The following TUBA1C variants were observed in gnomAD, a reference collection of about 807,000 sequenced individuals.
TUBA1C encodes tubulin alpha-1C chain.
Under a neutral mutation model 34.9 loss-of-function variants are expected in TUBA1C, and 16 were observed. The observed-to-expected ratio is 0.46, with a 90% confidence interval of 0.31 to 0.70. The LOEUF is 0.70. Among genes scored for constraint, TUBA1C ranks in the 30% least tolerant of loss-of-function variants. The probability of loss-of-function intolerance (pLI) is 0.05; values close to 1 mark genes in which losing one functional copy is unlikely to be tolerated. For synonymous variants in TUBA1C, 177 were observed against 215.9 expected, an observed-to-expected ratio of 0.82 and a Z score of 1.58; for missense variants, 329 against 587.3, an observed-to-expected ratio of 0.56 and a Z score of 4.55.
intron 1 of TUBA1C, among the ~76,000 whole-genome samples, chr12:49,248,675 AAC>A (rs934825144): frequency 4.7e-4 from 71 of 151,736 alleles, no homozygotes; most frequent in African/African-American, 1.6e-3. Flanking sequence ...CATCCTGGCT[AAC>A]ACAGTGAAAC....
At chr12:49,257,044 G>A (rs1373282647) in intron 1 of TUBA1C, among the ~76,000 whole-genome samples, 3 of 151,722 alleles carry the variant, frequency 2.0e-5, no homozygotes, top group Non-Finnish European at 4.4e-5. Flanking sequence ...GCTCGGCATG[G>A]TGGTGGGCGC....
At chr12:49,234,493 C>A (rs1390649192) in intron 1 of TUBA1C, among the ~76,000 whole-genome samples, 1 of 152,256 alleles carries the variant, frequency 6.6e-6, no homozygotes, top group Admixed American at 6.5e-5. Context: ...GACTTTGCTT[C>A]CTTGGTTAGT....
intron 1 of TUBA1C, among the ~76,000 whole-genome samples, chr12:49,268,099 C>G (rs1227402123): frequency 2.6e-5 from 4 of 151,766 alleles, no homozygotes; most frequent in East Asian, 1.9e-4. Context: ...GAGAGAGAGA[C>G]ACACACACAC....
At chr12:49,230,499 A>G (rs1023468315) in intron 1 of TUBA1C, among the ~76,000 whole-genome samples, 3 of 152,160 alleles carry the variant, frequency 2.0e-5, no homozygotes, top group East Asian at 1.9e-4. Flanking sequence ...TTCTCCAGAC[A>G]TTTATTCCTT....
At chr12:49,270,485 T>C (rs1942976587) in intron 3 of TUBA1C, among the ~76,000 whole-genome samples, 1 of 152,222 alleles carries the variant, frequency 6.6e-6, no homozygotes. Flanking sequence ...TCCTTAGGCA[T>C]GTGGGCAGCT....
intron 1 of TUBA1C, among the ~76,000 whole-genome samples, chr12:49,245,666 G>A (rs916926533): frequency 6.6e-6 from 1 of 152,140 alleles, no homozygotes; most frequent in African/African-American, 2.4e-5. Context: ...CTTGCCTGGG[G>A]ACACTCCCAT....
chr12:49,240,811 T>C (rs11168932), intron 1 of TUBA1C, among the ~76,000 whole-genome samples: 1 of 152,044 alleles, frequency 6.6e-6, no homozygotes, highest in East Asian at 1.9e-4. Context: ...GTCCAGGCTG[T>C]TCTTGAACTC....
chr12:49,257,551 G>A (rs564000162), intron 1 of TUBA1C, among the ~76,000 whole-genome samples: 2 of 152,104 alleles, frequency 1.3e-5, no homozygotes, highest in East Asian at 3.9e-4. Flanking sequence ...GGAGGCCAAG[G>A]TGGGAGGATT....
intron 1 of TUBA1C, among the ~76,000 whole-genome samples, chr12:49,258,202 A>G (rs889242015): frequency 6.6e-6 from 1 of 152,040 alleles, no homozygotes; most frequent in Non-Finnish European, 1.5e-5. Context: ...TTAATTTATC[A>G]TTGAAGAAGG....
chr12:49,265,983 C>A (rs1273772890), intron 1 of TUBA1C, among the ~76,000 whole-genome samples: 6 of 89,218 alleles, frequency 6.7e-5, no homozygotes, highest in African/African-American at 1.6e-4. Context: ...CAAAAAAAAA[C>A]GCTGGGCGTG....
chr12:49,269,209 G>A (rs570857466), intron 1 of TUBA1C, among the ~76,000 whole-genome samples: 14 of 152,162 alleles, frequency 9.2e-5, no homozygotes, highest in East Asian at 1.9e-4. Flanking sequence ...ACAGGTGTGC[G>A]CCATCATGCC....
At chr12:49,244,099 G>A (rs567621441) in intron 1 of TUBA1C, among the ~76,000 whole-genome samples, 4 of 149,540 alleles carry the variant, frequency 2.7e-5, no homozygotes, top group African/African-American at 9.9e-5. Context: ...GCAGTGAGCC[G>A]AGATTGTGCC....
intron 1 of TUBA1C, among the ~76,000 whole-genome samples, chr12:49,265,914 T>TCA (rs1942901756): frequency 7.6e-6 from 1 of 131,386 alleles, no homozygotes. Flanking sequence ...CAGCACTTGT[T>TCA]CGAGACAAAC....
chr12:49,269,720 C>T (rs533386345), intron 2 of TUBA1C, 33 bp downstream of exon 2: 1 of 1,613,030 alleles, frequency 6.2e-7, no homozygotes, highest in Non-Finnish European at 8.5e-7. Context: ...AGTGAGATCC[C>T]AGGGTGCTGG....
At chr12:49,247,160 A>G (rs949397539) in intron 1 of TUBA1C, among the ~76,000 whole-genome samples, 51 of 152,050 alleles carry the variant, frequency 3.4e-4, no homozygotes, top group Non-Finnish European at 6.0e-4. Flanking sequence ...AAGAAAGAAA[A>G]AAAAAGTAAA....
intron 1 of TUBA1C, among the ~76,000 whole-genome samples, chr12:49,258,597 T>C (rs1942810388): frequency 6.6e-6 from 1 of 151,410 alleles, no homozygotes. Context: ...CTGGCTAATT[T>C]TTGTGTTTTT....
rs116342730 is a variant in TUBA1C, at chr12:49,230,274, T to C, written c.213+2108T>C. Among the ~76,000 whole-genome samples, 286 of 152,270 alleles carry C rather than the reference T, an allele frequency of 1.9e-3. 1 individual carries two copies. Among genetic ancestry groups the C allele is most frequent in the African/African-American group, 6.1e-3 (254 of 41,546 alleles). On this transcript the variant is annotated intron_variant, in intron 1 of 3. Coordinates refer to the TUBA1C transcript ENST00000541364. Reference sequence around the variant, plus strand: ...TGGCATACAAGTCAACATTTAACCATATTTGTATTTATGGGGCAGGGAGAG... The same window carrying C: ...TGGCATACAAGTCAACATTTAACCACATTTGTATTTATGGGGCAGGGAGAG...
Position 49,272,836 on chromosome 12 carries a change from G to A in TUBA1C, c.959G>A (p.Arg320His), listed in dbSNP as rs754184062. The A allele has an allele frequency of 3.7e-6, 6 of 1,614,014 alleles. No homozygotes were observed. Among genetic ancestry groups the A allele is most frequent in the South Asian group, 2.2e-5 (2 of 91,084 alleles). ...GKYMACCLLY[R>H]GDVVPKDVNA... ...TACATGGCTTGCTGCCTGTTATACC[G>A]TGGTGACGTGGTTCCCAAAGATGTC... The change falls in exon 4 of 4, where the codon CGT becomes CAT. Residue 320 changes from arginine to histidine, a missense_variant. Transcript: ENST00000301072.
Position 49,273,464 on chromosome 12 carries a change from A to T in TUBA1C, c.*237A>T. 1 of 635,690 alleles carries T rather than the reference A, an allele frequency of 1.6e-6. No homozygotes were observed. The highest frequency in any genetic ancestry group is 2.6e-6 in the Non-Finnish European group (1 of 380,984). 39.4% of individuals were successfully genotyped at this position (635,690 alleles called of 1,614,324 possible). A position where few individuals can be genotyped will look rare whatever the true frequency, so the allele number is the denominator to read the frequency against. ...GCAGTGGCATGATAATACATAGCTC[A>T]TTGCAGCCTCGAGCTCCTGGACTCA... On this transcript the variant is annotated 3_prime_UTR_variant, in exon 4 of 4. Coordinates refer to ENST00000301072, the MANE Select transcript of TUBA1C (RefSeq NM_032704.5).
Sources: gnomAD v4.1 joint callset for allele counts (sites outside exome capture counted in the v4.1 genomes callset) on GRCh38, gnomAD v4.1.1 for gene constraint, MANE v1.5 for transcripts, NCBI Gene and HGNC (gene_info 2026-07-23, HGNC 2026-07-21) for gene names.